RPTOR: variants seen among roughly 807,000 people sequenced by gnomAD.
RPTOR encodes regulatory associated protein of MTOR complex 1.
In RPTOR, 21 loss-of-function variants were observed where a neutral mutation model predicts 169.9. The observed-to-expected ratio is 0.12, with a 90% confidence interval of 0.09 to 0.18. The LOEUF is 0.18. Among genes scored for constraint, RPTOR ranks in the 10% least tolerant of loss-of-function variants. The pLI is 1.00. For synonymous variants in RPTOR, 732 were observed against 753.2 expected, an observed-to-expected ratio of 0.97 and a Z score of 0.46; for missense variants, 1,133 against 1,855.9, an observed-to-expected ratio of 0.61 and a Z score of 7.16.
chr17:80,734,990 C>T (rs1422423541), intron 5 of RPTOR, among the ~76,000 whole-genome samples: 1 of 152,194 alleles, frequency 6.6e-6, no homozygotes, highest in East Asian at 1.9e-4. Flanking sequence ...CATTTTATAT[C>T]TGTGCATTGG....
At position 80,690,215 on chromosome 17, in the gene RPTOR, C is replaced by A. The variant is rs370266228; in HGVS notation, c.349-17626C>A. 9.2e-5 allele frequency among the ~76,000 whole-genome samples: 14 copies of A among 152,224 alleles called. No individual in the cohort carries two copies. The South Asian group carries it at 2.7e-3, about 29-fold the overall frequency. On this transcript the variant is annotated intron_variant, in intron 3 of 33. Transcript: ENST00000306801. ...TCATCTGTGCCCCCACCCAGTCCCC[C>A]CTTCCCACTCCCCTGGCTGATTAGG...
At chr17:80,950,666 A>AAGCTCT (rs753497970) in intron 28 of RPTOR, among the ~76,000 whole-genome samples, 34 of 152,076 alleles carry the variant, frequency 2.2e-4, no homozygotes, top group Non-Finnish European at 4.4e-4. Context: ...CTTCCCTGGG[A>AAGCTCT]CAGGGCAGGA....
intron 1 of RPTOR, among the ~76,000 whole-genome samples, chr17:80,596,533 G>A (rs1397240966): frequency 6.6e-6 from 1 of 152,106 alleles, no homozygotes; most frequent in African/African-American, 2.4e-5. Flanking sequence ...ATATGTAGTG[G>A]TTCTCTGTGA....
chr17:80,774,272 G>A, intron 6 of RPTOR: 3 of 985,446 alleles, frequency 3.0e-6, no homozygotes, highest in Non-Finnish European at 3.6e-6. Flanking sequence ...GTGTGACACA[G>A]ACGGCGCGGG....
intron 1 of RPTOR, among the ~76,000 whole-genome samples, chr17:80,556,462 T>G (rs2084409277): frequency 6.6e-6 from 1 of 152,044 alleles, no homozygotes; most frequent in Non-Finnish European, 1.5e-5. Flanking sequence ...AGTAGTAAGC[T>G]ATGATTGTGC....
chr17:80,947,660 T>A lies in RPTOR; in HGVS notation c.3265+309T>A, dbSNP rs1316868546. 1.3e-5 allele frequency among the ~76,000 whole-genome samples: 2 copies of A among 152,020 alleles called. No homozygotes were observed. The highest frequency in any genetic ancestry group is 2.9e-5 in the Non-Finnish European group (2 of 68,002). ...CCTTAAACCCCTGTGAGAGACCCGG[T>A]GGGTCCCACGTGACACCCGAGAATC... On this transcript the variant is annotated intron_variant, in intron 27 of 33. Coordinates refer to ENST00000306801, the MANE Select transcript of RPTOR (RefSeq NM_020761.3). The surrounding 1 kb of genome is among the most constrained non-coding windows in gnomAD (Gnocchi z 4.4).
intron 1 of RPTOR, among the ~76,000 whole-genome samples, chr17:80,554,972 C>G (rs955679080): frequency 6.6e-6 from 1 of 152,064 alleles, no homozygotes; most frequent in East Asian, 1.9e-4. Context: ...ATAAATATAT[C>G]AATTATGTTT....
chr17:80,847,804 C>T lies in RPTOR; in HGVS notation c.1314+1230C>T, dbSNP rs1165827563. On this transcript the variant is annotated intron_variant, in intron 11 of 33. Transcript: ENST00000306801. ...ACCTGCCCTTCTTCCTTCCAGAGCT[C>T]GTGCTTTCTGGTTAGGGCCGCTCAC... Among the ~76,000 whole-genome samples, 3 of 152,338 alleles carry T rather than the reference C, an allele frequency of 2.0e-5. No individual in the cohort carries two copies. The East Asian group carries it at 5.8e-4, about 29-fold the overall frequency.
chr17:80,891,829 C>T lies in RPTOR; in HGVS notation c.2093C>T (p.Ala698Val), dbSNP rs755886225. The part of the protein sequence containing the change: ...EEKNYALPSP[A>V]TTEGGSLTPV... The stretch of plus-strand genomic sequence containing the variant: ...AAGAACTACGCCTTGCCTTCTCCAG[C>T]AACCACAGGTATGGCGTCTTCTCCT... Residue 698 changes from alanine to valine, a missense_variant, in exon 18 of 34, where the codon GCA (alanine) becomes GTA (valine). Around this residue, in one of 9 missense-constraint regions of RPTOR, gnomAD observed 150 missense variants for 206.4 expected, o/e 0.73. Coordinates refer to ENST00000306801, the MANE Select transcript of RPTOR (RefSeq NM_020761.3). The T allele has an allele frequency of 1.9e-6, 3 of 1,610,852 alleles. No homozygotes were observed. The highest frequency in any genetic ancestry group is 2.5e-6 in the Non-Finnish European group (3 of 1,177,336).
chr17:80,808,788 T>C (rs1567923169), intron 7 of RPTOR, among the ~76,000 whole-genome samples: 2 of 152,240 alleles, frequency 1.3e-5, no homozygotes, highest in African/African-American at 2.4e-5. Flanking sequence ...ATGTGCTCTT[T>C]TCTGTCTCTT....
At chr17:80,762,423 G>T (rs918802737) in intron 6 of RPTOR, among the ~76,000 whole-genome samples, 7 of 152,206 alleles carry the variant, frequency 4.6e-5, no homozygotes, top group Admixed American at 1.3e-4. Flanking sequence ...GGGCCCCAGG[G>T]TGCAGGCAAG....
chr17:80,631,052 C>T (rs2065438183), intron 2 of RPTOR, among the ~76,000 whole-genome samples: 1 of 152,248 alleles, frequency 6.6e-6, no homozygotes, highest in Non-Finnish European at 1.5e-5. Flanking sequence ...AATTCTGTGC[C>T]CAGGGCGTGT....
chr17:80,607,041 C>T (rs760654201), intron 1 of RPTOR, among the ~76,000 whole-genome samples: 14 of 152,190 alleles, frequency 9.2e-5, no homozygotes, highest in Non-Finnish European at 8.8e-5. Context: ...CACATTACTT[C>T]TTAGCAGCTG....
chr17:80,674,912 T>C lies in RPTOR; in HGVS notation c.348+31102T>C, dbSNP rs559979432. Among the ~76,000 whole-genome samples, 7 of 150,336 alleles carry C rather than the reference T, an allele frequency of 4.7e-5. No homozygotes were observed. In the South Asian group the frequency reaches 1.5e-3, roughly 32 times the overall value. ...TCTTGGGATATGATCAAATATACAC[T>C]AAGAATATGGAAATGAATCGTCCTG... On this transcript the variant is annotated intron_variant, in intron 3 of 33. Coordinates refer to ENST00000306801, the MANE Select transcript of RPTOR (RefSeq NM_020761.3).
At chr17:80,664,990 T>G (rs2065752665) in intron 3 of RPTOR, among the ~76,000 whole-genome samples, 1 of 152,244 alleles carries the variant, frequency 6.6e-6, no homozygotes, top group South Asian at 2.1e-4. Context: ...CTCCTGCTTC[T>G]GTCCTCTGTA....
Position 80,634,603 on chromosome 17 carries a change from C to CTG in RPTOR, c.265+8818_265+8819dup, listed in dbSNP as rs560638674. 5.8e-3 allele frequency among the ~76,000 whole-genome samples: 151 copies of CTG among 26,228 alleles called. 30 individuals are homozygous for CTG. Among genetic ancestry groups the CTG allele is most frequent in the African/African-American group, 0.038 (103 of 2,702 alleles). The allele number at this position is 26,228 out of a possible 152,430, so 17.2% of individuals were successfully genotyped here. A position where few individuals can be genotyped will look rare whatever the true frequency, so the allele number is the denominator to read the frequency against. On this transcript the variant is annotated intron_variant, in intron 2 of 33. Coordinates refer to ENST00000306801, the MANE Select transcript of RPTOR (RefSeq NM_020761.3). ...TGTGTGCGTACTGTGTGTGTGCGTACTGTGTGTGTACTGTGTGCGTGTGCG... is the reference window on the plus strand; with the variant it reads ...TGTGTGCGTACTGTGTGTGTGCGTACTGTGTGTGTGTACTGTGTGCGTGTGCG...
chr17:80,823,982 G>T lies in RPTOR; in HGVS notation c.1136+759G>T, dbSNP rs1406776559. 6.6e-6 allele frequency among the ~76,000 whole-genome samples: 1 copy of T among 152,196 alleles called. No homozygotes were observed. Among genetic ancestry groups the T allele is most frequent in the East Asian group, 1.9e-4 (1 of 5,200 alleles). On this transcript the variant is annotated intron_variant, in intron 9 of 33. Coordinates refer to ENST00000306801, the MANE Select transcript of RPTOR (RefSeq NM_020761.3). The surrounding 1 kb of genome is among the most constrained non-coding windows in gnomAD (Gnocchi z 4.5). ...GATTAACGTATGCCTAGCCGCAGAA[G>T]CCATCATGTGGCGTATTTTCATGGC... is the stretch of plus-strand genomic sequence containing the variant.
chr17:80,772,409 C>T (rs1474227606), intron 6 of RPTOR, among the ~76,000 whole-genome samples: 1 of 151,820 alleles, frequency 6.6e-6, no homozygotes, highest in African/African-American at 2.4e-5. Flanking sequence ...CAGTGCTGTC[C>T]CCAACATGAC....
intron 1 of RPTOR, among the ~76,000 whole-genome samples, chr17:80,568,692 C>T (rs2064871449): frequency 6.6e-6 from 1 of 152,162 alleles, no homozygotes; most frequent in African/African-American, 2.4e-5. Flanking sequence ...TCTTCCAGAG[C>T]TCTATTTACA....
Sources: gnomAD v4.1 joint callset for allele counts (sites outside exome capture counted in the v4.1 genomes callset) on GRCh38, gnomAD v4.1.1 for gene constraint, gnomAD v4.1.1 regional missense constraint, Gnocchi (gnomAD v3.1) non-coding constraint, MANE v1.5 for transcripts, NCBI Gene and HGNC (gene_info 2026-07-23, HGNC 2026-07-21) for gene names.